UBFD1: variants seen among roughly 807,000 people sequenced by gnomAD.
UBFD1 encodes the protein ubiquitin domain-containing protein UBFD1.
In UBFD1, 12 loss-of-function variants were observed where a neutral mutation model predicts 35.1. The ratio of observed to expected loss-of-function variants is 0.34; its 90% confidence interval spans 0.22 to 0.55. UBFD1 has a LOEUF of 0.55. UBFD1 is among the 20% of genes least tolerant of loss of function. The pLI, the probability that UBFD1 is intolerant of heterozygous loss-of-function variation, is 0.89. For synonymous variants in UBFD1, 178 were observed against 167.6 expected, an observed-to-expected ratio of 1.06 and a Z score of -0.48; for missense variants, 337 against 410.8, an observed-to-expected ratio of 0.82 and a Z score of 1.55.
At chr16:23,565,234 C>T (rs1157180485) in intron 5 of UBFD1, 1 of 152,166 alleles carries the variant, frequency 6.6e-6, no homozygotes, top group African/African-American at 2.4e-5. Flanking sequence ...CTTCGTGGGG[C>T]GCTTTGCTGA....
At chr16:23,562,835 T>G (rs1458778028) in intron 5 of UBFD1, 105 bp downstream of exon 5, 9 of 967,444 alleles carry the variant, frequency 9.3e-6, no homozygotes, top group Non-Finnish European at 1.5e-5. Flanking sequence ...AACCTCTCTC[T>G]CCACTGTGCT....
In UBFD1 at chr16:23,557,729, T is replaced by C. The variant is rs768608466; in HGVS notation, c.-14T>C. The stretch of plus-strand genomic sequence containing the variant: ...CGGCCTCTGCGGGAGCGGTGGGTGT[T>C]GTACACAATCATCATGGCGGCGGCC... On this transcript the variant is annotated 5_prime_UTR_variant, in exon 1 of 7. Transcript: ENST00000395878. 4.4e-6 allele frequency: 6 copies of C among 1,355,054 alleles called. No individual in the cohort carries two copies. In the East Asian group the frequency reaches 1.4e-4, roughly 32 times the overall value. 83.9% of individuals were successfully genotyped at this position (1,355,054 alleles called of 1,614,324 possible). A position where few individuals can be genotyped will look rare whatever the true frequency, so the allele number is the denominator to read the frequency against.
intron 6 of UBFD1, among the ~76,000 whole-genome samples, chr16:23,567,785 CTGTAA>C (rs1966031187): frequency 6.6e-6 from 1 of 152,270 alleles, no homozygotes; most frequent in South Asian, 2.1e-4. Flanking sequence ...GCCTGAGCAG[CTGTAA>C]TGTGAGGGCG....
intron 2 of UBFD1, 149 bp downstream of exon 2, chr16:23,558,428 G>C: frequency 9.6e-7 from 1 of 1,045,904 alleles, no homozygotes; most frequent in Non-Finnish European, 1.3e-6. Flanking sequence ...CCATTACTCA[G>C]CTGGGGAAAG....
chr16:23,562,681 G>A lies in UBFD1; in HGVS notation c.687G>A (p.Val229=), dbSNP rs768255871. 4.3e-6 allele frequency: 7 copies of A among 1,614,098 alleles called. No individual in the cohort carries two copies. Among genetic ancestry groups the A allele is most frequent in the Non-Finnish European group, 5.9e-6 (7 of 1,180,058 alleles). Residue 229 remains valine (V), a synonymous_variant, in exon 5 of 7, where the codon GTG becomes GTA. Coordinates refer to ENST00000395878, the MANE Select transcript of UBFD1 (RefSeq NM_019116.3). Reference sequence around the variant, plus strand: ...TGTACAATAAATCTGGAGGAAAAGTGAGACTCACCTTTAAACTAGAACAAG... The same window carrying A: ...TGTACAATAAATCTGGAGGAAAAGTAAGACTCACCTTTAAACTAGAACAAG... The part of the protein sequence containing the change: ...SGMYNKSGGK[V]RLTFKLEQDQ...
rs139814061 is a variant in UBFD1, at chr16:23,566,672, T to G, written c.737-315T>G. On this transcript the variant is annotated intron_variant, in intron 5 of 6. Transcript: ENST00000395878. The stretch of plus-strand genomic sequence containing the variant: ...CAGGCTTGAGCCACCGCGCCTGGCC[T>G]TTCTTGGATATTTATTAACCATCAG... The G allele has an allele frequency of 1.4e-3, 319 of 223,758 alleles. 2 individuals carry two copies. Among genetic ancestry groups the G allele is most frequent in the African/African-American group, 6.7e-3 (295 of 44,254 alleles). 13.9% of individuals were successfully genotyped at this position (223,758 alleles called of 1,614,324 possible). A position where few individuals can be genotyped will look rare whatever the true frequency, so the allele number is the denominator to read the frequency against.
chr16:23,561,310 C>A (rs1209533905), intron 3 of UBFD1, among the ~76,000 whole-genome samples: 2 of 152,174 alleles, frequency 1.3e-5, no homozygotes, highest in African/African-American at 4.8e-5. Context: ...CTTGTGGCTG[C>A]CTAGTGCTTA....
intron 5 of UBFD1, among the ~76,000 whole-genome samples, chr16:23,563,290 G>T (rs556166063): frequency 6.6e-6 from 1 of 152,130 alleles, no homozygotes; most frequent in Admixed American, 6.5e-5. Context: ...CCCTATAGTA[G>T]GTGAAGTTTT....
intron 5 of UBFD1, chr16:23,565,231 G>A (rs1965994201): frequency 6.6e-6 from 1 of 152,160 alleles, no homozygotes; most frequent in Non-Finnish European, 1.5e-5. Flanking sequence ...CCTCTTCGTG[G>A]GGCGCTTTGC....
At chr16:23,567,413 T>G (rs1345744585) in intron 6 of UBFD1, among the ~76,000 whole-genome samples, 1 of 152,232 alleles carries the variant, frequency 6.6e-6, no homozygotes, top group Non-Finnish European at 1.5e-5. Context: ...GGATTTTCAT[T>G]ATAAGTTTTA....
At chr16:23,558,343 A>G (rs1180215153) in intron 2 of UBFD1, 64 bp downstream of exon 2, 35 of 1,559,842 alleles carry the variant, frequency 2.2e-5, no homozygotes, top group Non-Finnish European at 2.9e-5. Context: ...CTTGCACCCT[A>G]CTAGGCACCT....
rs75598210 is a variant in UBFD1 at position 23,563,668 on chromosome 16, A to G, written c.736+938A>G. Among the ~76,000 whole-genome samples, 567 of 152,282 alleles carry G rather than the reference A, an allele frequency of 3.7e-3. 12 individuals are homozygous for G. The East Asian group carries it at 0.054, about 14-fold the overall frequency. Reference sequence around the variant, plus strand: ...AGGACCTTTGGCTGTTTAAGGACACATTCAAATGCCTAACCATAGCGTTCA... The same window carrying G: ...AGGACCTTTGGCTGTTTAAGGACACGTTCAAATGCCTAACCATAGCGTTCA... On this transcript the variant is annotated intron_variant, in intron 5 of 6. Transcript: ENST00000395878.
In UBFD1 at chr16:23,567,394, A is replaced by C. The variant is rs536658728; in HGVS notation, c.819+325A>C. Among the ~76,000 whole-genome samples, 77 of 152,352 alleles carry C rather than the reference A, an allele frequency of 5.1e-4. 1 individual carries two copies. The South Asian group carries it at 0.015, about 30-fold the overall frequency. ...AGGAAAATAAATATAAAGAGGAGGA[A>C]TGGCTTGTGGATTTTCATTATAAGT... is the stretch of plus-strand genomic sequence containing the variant. On this transcript the variant is annotated intron_variant, in intron 6 of 6. Transcript: ENST00000395878.
intron 5 of UBFD1, 104 bp downstream of exon 5, chr16:23,562,834 C>G: frequency 2.1e-6 from 2 of 967,828 alleles, no homozygotes. Context: ...AAACCTCTCT[C>G]TCCACTGTGC....
At chr16:23,567,107 A>G in intron 6 of UBFD1, 38 bp downstream of exon 6, 1 of 1,584,678 alleles carries the variant, frequency 6.3e-7, no homozygotes, top group Non-Finnish European at 8.7e-7. Flanking sequence ...CTCTCACTAG[A>G]CTCCCACTTC....
intron 2 of UBFD1, 182 bp from the exon 3 acceptor site, chr16:23,559,286 T>A: frequency 5.2e-6 from 3 of 573,946 alleles, no homozygotes; most frequent in Non-Finnish European, 6.3e-6. Flanking sequence ...GGACTTACTC[T>A]AATAAATCTT....
At chr16:23,567,120 C>G in intron 6 of UBFD1, 51 bp downstream of exon 6, 1 of 1,550,870 alleles carries the variant, frequency 6.4e-7, no homozygotes, top group East Asian at 2.2e-5. Flanking sequence ...CCCACTTCAC[C>G]TGGCAGGGAA....
chr16:23,559,355 T>C, intron 2 of UBFD1, 113 bp from the exon 3 acceptor site: 1 of 853,488 alleles, frequency 1.2e-6, no homozygotes, highest in Non-Finnish European at 1.8e-6. Context: ...ACAAAGCTAA[T>C]AGGTGGTGGA....
intron 2 of UBFD1, among the ~76,000 whole-genome samples, chr16:23,558,741 G>C (rs994002014): frequency 2.0e-5 from 3 of 150,882 alleles, no homozygotes; most frequent in Non-Finnish European, 4.4e-5. Flanking sequence ...ATTTTACCTT[G>C]TTCATAGCTC....
Sources: allele counts gnomAD v4.1 joint callset (sites outside exome capture counted in the v4.1 genomes callset), GRCh38; gene constraint gnomAD v4.1.1; transcripts MANE v1.5; gene names NCBI Gene and HGNC (gene_info 2026-07-23, HGNC 2026-07-21).